Variants in GABRB1 observed in about 807,000 individuals in gnomAD.
The protein encoded by GABRB1 is gamma-aminobutyric acid type A receptor subunit beta1, also known as gamma-aminobutyric acid receptor subunit beta-1.
GABRB1 carries 17 observed loss-of-function variants against 51.6 expected under a neutral mutation model. The ratio of observed to expected loss-of-function variants is 0.33; its 90% CI spans 0.23 to 0.49. The LOEUF is 0.49. Among genes scored for constraint, GABRB1 ranks in the 20% least tolerant of loss-of-function variants. GABRB1 has a pLI of 0.99. For synonymous variants in GABRB1, 247 were observed against 218.9 expected (o/e 1.13, Z -1.14); for missense variants, 410 against 600.6 (o/e 0.68, Z 3.32).
At chr4:47,246,301 C>T (rs55791690) in intron 4 of GABRB1, among the ~76,000 whole-genome samples, 11,398 of 44,238 alleles carry the variant, frequency 0.26, 1,183 homozygotes, top group South Asian at 0.31. Flanking sequence ...TATATATATA[C>T]ACACACACAC....
At chr4:47,033,828 T>C (rs1725440743) in intron 3 of GABRB1, among the ~76,000 whole-genome samples, 1 of 152,224 alleles carries the variant, frequency 6.6e-6, no homozygotes, top group African/African-American at 2.4e-5. Flanking sequence ...TAAATGTCTC[T>C]GATTGTCGTG....
chr4:46,995,132 C>T (rs1412746830), intron 1 of GABRB1, among the ~76,000 whole-genome samples: 1 of 152,166 alleles, frequency 6.6e-6, no homozygotes, highest in African/African-American at 2.4e-5. Flanking sequence ...TTTATTTTAT[C>T]TGCTGTTACA....
chr4:47,066,778 T>C (rs1303026162), intron 3 of GABRB1, among the ~76,000 whole-genome samples: 1 of 152,148 alleles, frequency 6.6e-6, no homozygotes, highest in African/African-American at 2.4e-5. Context: ...TCCATGAGGG[T>C]TGGAATCAAC....
intron 4 of GABRB1, among the ~76,000 whole-genome samples, chr4:47,288,358 GT>G (rs1236364257): frequency 6.6e-6 from 1 of 151,980 alleles, no homozygotes; most frequent in African/African-American, 2.4e-5. Context: ...TGCCTCCTGG[GT>G]TCAAGTGATT....
At chr4:47,007,493 G>A (rs1202672099) in intron 1 of GABRB1, among the ~76,000 whole-genome samples, 3 of 152,146 alleles carry the variant, frequency 2.0e-5, no homozygotes, top group Non-Finnish European at 2.9e-5. Context: ...GATTTTAACA[G>A]CACTGTTAAC....
At chr4:47,034,014 A>G (rs1403664794) in intron 3 of GABRB1, among the ~76,000 whole-genome samples, 1 of 152,222 alleles carries the variant, frequency 6.6e-6, no homozygotes, top group African/African-American at 2.4e-5. Context: ...CACGAATGCA[A>G]CTGGACAAAT....
At chr4:47,051,367 A>G (rs1330007785) in intron 3 of GABRB1, among the ~76,000 whole-genome samples, 1 of 152,218 alleles carries the variant, frequency 6.6e-6, no homozygotes, top group Non-Finnish European at 1.5e-5. Flanking sequence ...AGAGAACCAG[A>G]GAGAAGAGGC....
At chr4:47,029,492 C>T (rs1044463489), upstream of GABRB1, among the ~76,000 whole-genome samples, 3 of 149,728 alleles carry the variant, frequency 2.0e-5, no homozygotes. Context: ...TTGCTGAAAA[C>T]ATGTTCTTTC....
chr4:47,312,562 G>A (rs1411913747), intron 4 of GABRB1, among the ~76,000 whole-genome samples: 2 of 152,276 alleles, frequency 1.3e-5, no homozygotes, highest in Admixed American at 6.5e-5. Context: ...ACTCTATTGA[G>A]TGATACTGAT....
chr4:47,184,127 T>C (rs1259595326), intron 4 of GABRB1, among the ~76,000 whole-genome samples: 1 of 151,962 alleles, frequency 6.6e-6, no homozygotes, highest in Non-Finnish European at 1.5e-5. Flanking sequence ...CTGGTCACTC[T>C]AATAATCTGC....
At chr4:47,107,203 A>T (rs1037369554) in intron 3 of GABRB1, among the ~76,000 whole-genome samples, 1 of 152,006 alleles carries the variant, frequency 6.6e-6, no homozygotes, top group Non-Finnish European at 1.5e-5. Context: ...AATATTCCCT[A>T]TTCTTTTTGT....
intron 5 of GABRB1, among the ~76,000 whole-genome samples, chr4:47,363,947 A>T (rs1001076319): frequency 7.2e-5 from 11 of 152,226 alleles, no homozygotes; most frequent in Non-Finnish European, 1.6e-4. Flanking sequence ...CTTAATCAGG[A>T]CAGAGAATAT....
intron 4 of GABRB1, among the ~76,000 whole-genome samples, chr4:47,312,187 A>T (rs1429429205): frequency 2.0e-5 from 3 of 152,064 alleles, no homozygotes; most frequent in African/African-American, 7.2e-5. Context: ...ACCGTTCTTT[A>T]AAGTTTTTTA....
chr4:47,130,465 C>T (rs1014503275), intron 3 of GABRB1, among the ~76,000 whole-genome samples: 1 of 152,040 alleles, frequency 6.6e-6, no homozygotes, highest in Admixed American at 6.6e-5. Flanking sequence ...CCAGCCTTTG[C>T]ACAAGTTGTC....
intron 3 of GABRB1, among the ~76,000 whole-genome samples, chr4:47,141,224 C>A (rs1334021892): frequency 6.6e-6 from 1 of 151,896 alleles, no homozygotes; most frequent in Non-Finnish European, 1.5e-5. Flanking sequence ...AACTAGAAAT[C>A]CACCAGAACT....
chr4:47,079,263 G>A (rs1302130652), intron 3 of GABRB1, among the ~76,000 whole-genome samples: 1 of 152,030 alleles, frequency 6.6e-6, no homozygotes, highest in Non-Finnish European at 1.5e-5. Flanking sequence ...TGGTTGGTAA[G>A]CTATTAATTA....
At chr4:47,168,233 T>G (rs1322132222) in intron 4 of GABRB1, among the ~76,000 whole-genome samples, 1 of 152,146 alleles carries the variant, frequency 6.6e-6, no homozygotes, top group African/African-American at 2.4e-5. Context: ...ACTGCAACAC[T>G]ATGAGCTATG....
Position 47,059,529 on chromosome 4 carries a change from T to C in GABRB1, c.240+27045T>C, listed in dbSNP as rs547596905. Among the ~76,000 whole-genome samples, 201 of 152,338 alleles carry C rather than the reference T, an allele frequency of 1.3e-3. 3 individuals carry two copies. The highest frequency in any genetic ancestry group is 4.3e-3 in the African/African-American group (180 of 41,598). ...TGTAGCTTCTATTAATGTCATTTTA[T>C]GGTGTCTGAGGATTAATGAATATCT... On this transcript the variant is annotated intron_variant, in intron 3 of 8. Coordinates refer to ENST00000295454, the MANE Select transcript of GABRB1 (RefSeq NM_000812.4).
rs1278553405 is a variant in GABRB1, at chr4:47,354,914, TGCCTGCCTGC to T, written c.544+34706_544+34715del. ...TTGAAGGCCTTCCTACCTGCCTGCC[TGCCTGCCTGC>T]CTGCCTGCCTGCCTGCCTTCCTTTC... On this transcript the variant is annotated intron_variant, in intron 5 of 8. Transcript: ENST00000295454. Among the ~76,000 whole-genome samples, 37 of 6,200 alleles carry T rather than the reference TGCCTGCCTGC, an allele frequency of 6.0e-3. 2 individuals are homozygous for T. The African/African-American group carries it at 0.085, about 14-fold the overall frequency. The allele number at this position is 6,200 out of a possible 152,430, so 4.1% of individuals were successfully genotyped here.
Sources: allele counts gnomAD v4.1 joint callset (sites outside exome capture counted in the v4.1 genomes callset), GRCh38; gene constraint gnomAD v4.1.1; transcripts MANE v1.5; gene names NCBI Gene and HGNC (gene_info 2026-07-23, HGNC 2026-07-21).